L3MBTL4: variants seen among roughly 807,000 people sequenced by gnomAD.
The protein encoded by L3MBTL4 is L3MBTL histone methyl-lysine binding protein 4.
A neutral mutation model predicts 84.5 loss-of-function variants in L3MBTL4; 70 were observed. The ratio of observed to expected loss-of-function variants is 0.83; its 90% confidence interval spans 0.68 to 1.01. L3MBTL4 has a LOEUF of 1.01. L3MBTL4 is among the 50% of genes least tolerant of loss of function. The probability of loss-of-function intolerance (pLI) is 0.00; values close to 1 mark genes in which losing one functional copy is unlikely to be tolerated. For missense variants in L3MBTL4, 715 were observed against 754.8 expected, an observed-to-expected ratio of 0.95 and a Z score of 0.62; for synonymous variants, 274 against 259.8, an observed-to-expected ratio of 1.05 and a Z score of -0.52.
At chr18:6,204,637 A>G (rs1023690788) in intron 12 of L3MBTL4, among the ~76,000 whole-genome samples, 4 of 152,254 alleles carry the variant, frequency 2.6e-5, no homozygotes, top group African/African-American at 9.6e-5. Context: ...TGGAAATGCA[A>G]ATAAAACAAG....
chr18:6,098,589 A>C (rs998572094), intron 14 of L3MBTL4, among the ~76,000 whole-genome samples: 1 of 152,198 alleles, frequency 6.6e-6, no homozygotes, highest in Admixed American at 6.5e-5. Context: ...CCTGAAAAGT[A>C]AAGTCGCCCA....
chr18:6,275,784 GA>G (rs2049054534), intron 4 of L3MBTL4, among the ~76,000 whole-genome samples: 1 of 152,052 alleles, frequency 6.6e-6, no homozygotes, highest in Non-Finnish European at 1.5e-5. Flanking sequence ...AAGACAAAGG[GA>G]AAAAAATCCA....
intron 14 of L3MBTL4, among the ~76,000 whole-genome samples, chr18:6,104,924 T>G (rs1162567002): frequency 6.6e-6 from 1 of 152,134 alleles, no homozygotes; most frequent in Non-Finnish European, 1.5e-5. Context: ...AAAGCAATAT[T>G]GTCCTTGATA....
At chr18:6,009,244 AG>A (rs769901239) in intron 16 of L3MBTL4, among the ~76,000 whole-genome samples, 1 of 152,314 alleles carries the variant, frequency 6.6e-6, no homozygotes, top group Non-Finnish European at 1.5e-5. Flanking sequence ...TTGGGGCCTC[AG>A]GCTGACAGTA....
intron 14 of L3MBTL4, among the ~76,000 whole-genome samples, chr18:6,094,608 A>G (rs1341206419): frequency 2.0e-5 from 3 of 152,134 alleles, no homozygotes; most frequent in African/African-American, 7.2e-5. Context: ...CTCACTATGA[A>G]TTTGCTGATA....
chr18:5,972,768 T>C (rs1038940911), intron 16 of L3MBTL4, among the ~76,000 whole-genome samples: 3 of 152,094 alleles, frequency 2.0e-5, no homozygotes, highest in Non-Finnish European at 2.9e-5. Flanking sequence ...ACATAATAGC[T>C]GAGTGACCTG....
Position 5,970,391 on chromosome 18 carries a change from A to C in L3MBTL4, c.1445-829T>G, listed in dbSNP as rs1243293623. Reference sequence around the variant, plus strand: ...GCACTTCAGCCCCACACTTATCAACAGCCTTCTGTGCTGGTTTCCTGTCTT... The same window carrying C: ...GCACTTCAGCCCCACACTTATCAACCGCCTTCTGTGCTGGTTTCCTGTCTT... On this transcript the variant is annotated intron_variant, in intron 16 of 18. Transcript: ENST00000317931. Among the ~76,000 whole-genome samples, 3 of 152,276 alleles carry C rather than the reference A, an allele frequency of 2.0e-5. No individual in the cohort carries two copies. The South Asian group carries it at 6.2e-4, about 32-fold the overall frequency.
intron 16 of L3MBTL4, among the ~76,000 whole-genome samples, chr18:6,009,824 G>A (rs2054655111): frequency 6.6e-6 from 1 of 152,188 alleles, no homozygotes; most frequent in Non-Finnish European, 1.5e-5. Flanking sequence ...AAATGTGTGT[G>A]AGAATTCTTA....
intron 16 of L3MBTL4, among the ~76,000 whole-genome samples, chr18:6,020,279 G>T (rs1006483831): frequency 6.6e-6 from 1 of 152,076 alleles, no homozygotes; most frequent in African/African-American, 2.4e-5. Context: ...GGCTGGCTGT[G>T]ATATAGTCAG....
intron 1 of L3MBTL4, among the ~76,000 whole-genome samples, chr18:6,387,322 T>G (rs1399988390): frequency 6.6e-6 from 1 of 152,178 alleles, no homozygotes; most frequent in Non-Finnish European, 1.5e-5. Flanking sequence ...AGGATACCCA[T>G]ATGAGCATTC....
chr18:6,254,519 A>T (rs2048057677), intron 5 of L3MBTL4, among the ~76,000 whole-genome samples: 1 of 150,660 alleles, frequency 6.6e-6, no homozygotes, highest in East Asian at 2.0e-4. Flanking sequence ...TTAAGATGGC[A>T]GTGAAGGATG....
intron 10 of L3MBTL4, among the ~76,000 whole-genome samples, chr18:6,219,585 G>T (rs1360455202): frequency 6.6e-6 from 1 of 150,490 alleles, no homozygotes; most frequent in African/African-American, 2.4e-5. Flanking sequence ...GAAGTACTGA[G>T]CTAGGGCGTC....
Position 6,185,350 on chromosome 18 carries a change from A to G in L3MBTL4, c.982-13408T>C, listed in dbSNP as rs898728311. Among the ~76,000 whole-genome samples, 5 of 152,220 alleles carry G rather than the reference A, an allele frequency of 3.3e-5. 1 individual carries two copies. Among genetic ancestry groups the G allele is most frequent in the Middle Eastern group, 3.2e-3 (1 of 316 alleles). ...CTCCCCTCCAGATCCATACGGTGCC[A>G]AGGACACAGCCCTTTATGGATGGTA... On this transcript the variant is annotated intron_variant, in intron 12 of 18. Coordinates refer to ENST00000317931, the MANE Select transcript of L3MBTL4 (RefSeq NM_001330559.2).
At chr18:6,020,840 G>A (rs1185044006) in intron 16 of L3MBTL4, among the ~76,000 whole-genome samples, 1 of 152,172 alleles carries the variant, frequency 6.6e-6, no homozygotes, top group Admixed American at 6.5e-5. Context: ...TATGTCTGGG[G>A]TGGACGTGCT....
At chr18:6,106,711 C>T (rs138655723) in intron 14 of L3MBTL4, among the ~76,000 whole-genome samples, 1 of 152,318 alleles carries the variant, frequency 6.6e-6, no homozygotes, top group Non-Finnish European at 1.5e-5. Flanking sequence ...CACATATACA[C>T]ATACTAAAGC....
At chr18:6,086,741 T>C (rs1366081627) in intron 15 of L3MBTL4, among the ~76,000 whole-genome samples, 1 of 152,198 alleles carries the variant, frequency 6.6e-6, no homozygotes, top group Non-Finnish European at 1.5e-5. Context: ...ATTACTTCCC[T>C]ATGGCACCTG....
At chr18:6,146,217 G>A (rs942209145) in intron 13 of L3MBTL4, among the ~76,000 whole-genome samples, 29 of 152,326 alleles carry the variant, frequency 1.9e-4, no homozygotes, top group Middle Eastern at 3.4e-3. Flanking sequence ...TCGCTGCTCG[G>A]GACCTGCTGT....
chr18:6,241,503 T>G, intron 7 of L3MBTL4, 54 bp from the exon 8 acceptor site: 4 of 960,286 alleles, frequency 4.2e-6, no homozygotes, highest in Non-Finnish European at 6.5e-6. Flanking sequence ...CACATGCATA[T>G]TAAATATATT....
At chr18:6,146,118 G>A (rs1222450641) in intron 13 of L3MBTL4, among the ~76,000 whole-genome samples, 1 of 152,248 alleles carries the variant, frequency 6.6e-6, no homozygotes, top group Admixed American at 6.5e-5. Context: ...GAGACGGCGT[G>A]GGCCAAAGAG....
Sources: gnomAD v4.1 joint callset for allele counts (sites outside exome capture counted in the v4.1 genomes callset) on GRCh38, gnomAD v4.1.1 for gene constraint, MANE v1.5 for transcripts, NCBI Gene and HGNC (gene_info 2026-07-23, HGNC 2026-07-21) for gene names.